MARCHF1: variants seen among roughly 807,000 people sequenced by gnomAD.
The protein encoded by MARCHF1 is E3 ubiquitin-protein ligase MARCHF1.
In MARCHF1, 40 loss-of-function variants were observed where a neutral mutation model predicts 54.2. That is an observed-to-expected ratio of 0.74 (90% CI 0.57 to 0.96). The LOEUF is 0.96. MARCHF1 is among the 40% of genes least tolerant of loss of function. The pLI is 0.00. For missense variants in MARCHF1, 586 were observed against 656.5 expected (o/e 0.89, Z 1.17); for synonymous variants, 236 against 236.3 (o/e 1.00, Z 0.01).
intron 5 of MARCHF1, among the ~76,000 whole-genome samples, chr4:163,648,923 A>G (rs1028869738): frequency 1.3e-5 from 2 of 150,100 alleles, no homozygotes; most frequent in African/African-American, 4.9e-5. Flanking sequence ...CTTTGGGGGA[A>G]AAAAAAAAAC....
At chr4:164,350,922 G>C (rs904147139) in intron 1 of MARCHF1, among the ~76,000 whole-genome samples, 1 of 152,070 alleles carries the variant, frequency 6.6e-6, no homozygotes, top group African/African-American at 2.4e-5. Flanking sequence ...GGCGCGAGCC[G>C]AAGCAGGGCG....
intron 4 of MARCHF1, among the ~76,000 whole-genome samples, chr4:163,717,356 A>G (rs1343942253): frequency 1.3e-5 from 2 of 151,810 alleles, no homozygotes; most frequent in East Asian, 1.9e-4. Context: ...ATAGTATTCC[A>G]GGGTGTATAT....
chr4:164,180,358 TG>T (rs1730801130), intron 1 of MARCHF1, among the ~76,000 whole-genome samples: 1 of 152,158 alleles, frequency 6.6e-6, no homozygotes. Context: ...TTGCCTAAGA[TG>T]GAAGATTAGT....
intron 1 of MARCHF1, among the ~76,000 whole-genome samples, chr4:164,335,117 T>G (rs35644680): frequency 0.42 from 63,699 of 152,078 alleles, 13,980 homozygotes; most frequent in Non-Finnish European, 0.49. Context: ...GACAGCAAAG[T>G]ATTTAGAGTA....
intron 5 of MARCHF1, among the ~76,000 whole-genome samples, chr4:163,687,376 C>T (rs1744302613): frequency 6.6e-6 from 1 of 151,898 alleles, no homozygotes; most frequent in African/African-American, 2.4e-5. Context: ...TACAGGTGCC[C>T]GCCACCACGC....
chr4:164,383,227 C>G (rs1415353587), intron 1 of MARCHF1: 3 of 152,304 alleles, frequency 2.0e-5, no homozygotes, highest in Non-Finnish European at 4.4e-5. Context: ...AGTCCCAGCT[C>G]TCAGTCCCGC....
chr4:164,091,325 T>C (rs1421236775), intron 2 of MARCHF1, among the ~76,000 whole-genome samples: 2 of 151,062 alleles, frequency 1.3e-5, no homozygotes, highest in East Asian at 3.9e-4. Flanking sequence ...GAAACATAGT[T>C]AAGGTCATTT....
intron 1 of MARCHF1, among the ~76,000 whole-genome samples, chr4:164,263,830 A>G (rs1733533537): frequency 1.3e-5 from 2 of 152,306 alleles, no homozygotes; most frequent in Non-Finnish European, 1.5e-5. Context: ...GCTATCATTA[A>G]AAAGCCAAAA....
At chr4:164,165,319 A>C (rs1314689868) in intron 1 of MARCHF1, among the ~76,000 whole-genome samples, 1 of 151,964 alleles carries the variant, frequency 6.6e-6, no homozygotes, top group East Asian at 1.9e-4. Context: ...TTTGATAAAA[A>C]TTAATGTTTT....
intron 2 of MARCHF1, among the ~76,000 whole-genome samples, chr4:164,058,858 A>C (rs1754551577): frequency 6.6e-6 from 1 of 152,238 alleles, no homozygotes; most frequent in South Asian, 2.1e-4. Context: ...CCAATGAGTC[A>C]CAATGATGCC....
At chr4:163,659,305 G>A (rs1305525395) in intron 5 of MARCHF1, among the ~76,000 whole-genome samples, 2 of 152,016 alleles carry the variant, frequency 1.3e-5, no homozygotes, top group Non-Finnish European at 2.9e-5. Context: ...AATGGGGAAA[G>A]GATTCCCTAT....
intron 4 of MARCHF1, among the ~76,000 whole-genome samples, chr4:163,833,632 G>A (rs1167401284): frequency 6.6e-6 from 1 of 152,072 alleles, no homozygotes; most frequent in Non-Finnish European, 1.5e-5. Context: ...CATCATCACC[G>A]GCCATCAGAG....
At chr4:163,556,680 A>G (rs1362876483) in intron 8 of MARCHF1, among the ~76,000 whole-genome samples, 1 of 152,018 alleles carries the variant, frequency 6.6e-6, no homozygotes, top group Non-Finnish European at 1.5e-5. Flanking sequence ...TTTAAATGAG[A>G]GCCTGTGAAA....
intron 1 of MARCHF1, among the ~76,000 whole-genome samples, chr4:164,343,026 C>G (rs981231739): frequency 6.6e-6 from 1 of 152,006 alleles, no homozygotes; most frequent in Non-Finnish European, 1.5e-5. Context: ...TATAAATTTT[C>G]AGTTATAAAA....
chr4:163,752,049 T>G (rs1017467678), intron 4 of MARCHF1, among the ~76,000 whole-genome samples: 1 of 152,166 alleles, frequency 6.6e-6, no homozygotes, highest in Non-Finnish European at 1.5e-5. Flanking sequence ...TCTGGACACA[T>G]GATGGAAATA....
chr4:163,789,047 C>T (rs776587869), intron 4 of MARCHF1, among the ~76,000 whole-genome samples: 1 of 151,766 alleles, frequency 6.6e-6, no homozygotes, highest in Non-Finnish European at 1.5e-5. Flanking sequence ...TTTGTTTCTC[C>T]CATTCTTTCT....
intron 3 of MARCHF1, among the ~76,000 whole-genome samples, chr4:163,953,659 A>C (rs1011231208): frequency 6.6e-6 from 1 of 152,178 alleles, no homozygotes; most frequent in Non-Finnish European, 1.5e-5. Flanking sequence ...AGATATCAGC[A>C]AACTATAGCC....
intron 4 of MARCHF1, among the ~76,000 whole-genome samples, chr4:163,712,247 GT>G (rs1050582505): frequency 4.3e-4 from 65 of 152,196 alleles, no homozygotes; most frequent in African/African-American, 1.6e-3. Context: ...TGCAAGCTAG[GT>G]TTTTTACTAA....
At chr4:163,665,423 G>C (rs1025224243) in intron 5 of MARCHF1, among the ~76,000 whole-genome samples, 4 of 152,072 alleles carry the variant, frequency 2.6e-5, no homozygotes, top group African/African-American at 9.7e-5. Flanking sequence ...TAGAGGAACT[G>C]TCTAGTCTTT....
Sources: allele counts gnomAD v4.1 joint callset (sites outside exome capture counted in the v4.1 genomes callset), GRCh38; gene constraint gnomAD v4.1.1; transcripts MANE v1.5; gene names NCBI Gene and HGNC (gene_info 2026-07-23, HGNC 2026-07-21).